Variants in ATRNL1 observed in about 807,000 individuals in gnomAD.
ATRNL1 encodes the protein attractin like 1, also known as attractin-like protein 1.
Under a neutral mutation model 182.7 loss-of-function variants are expected in ATRNL1, and 95 were observed. The observed-to-expected ratio is 0.52, with a 90% CI of 0.44 to 0.62. The LOEUF is 0.62. Among genes scored for constraint, ATRNL1 ranks in the 20% least tolerant of loss-of-function variants. The probability of loss-of-function intolerance (pLI) is 0.00; values close to 1 mark genes in which losing one functional copy is unlikely to be tolerated. For synonymous variants in ATRNL1, 576 were observed against 568.3 expected (o/e 1.01, Z -0.19); for missense variants, 1,471 against 1,679.5 (o/e 0.88, Z 2.17).
intron 8 of ATRNL1, 28 bp downstream of exon 8, chr10:115,171,320 T>G (rs1400738013): frequency 4.0e-6 from 6 of 1,513,712 alleles, no homozygotes; most frequent in Middle Eastern, 3.5e-4. Flanking sequence ...TGTAATTTCT[T>G]TATTGATTGG....
At position 115,301,740 on chromosome 10, in the gene ATRNL1, A is replaced by G. The variant is rs79932503; in HGVS notation, c.2630-115A>G. 12,100 of 780,230 alleles carry G rather than the reference A, an allele frequency of 0.016. 1,031 individuals carry two copies. In the African/African-American group the frequency reaches 0.19, roughly 12 times the overall value. 48.3% of individuals were successfully genotyped at this position (780,230 alleles called of 1,614,324 possible). A position where few individuals can be genotyped will look rare whatever the true frequency, so the allele number is the denominator to read the frequency against. ...TTTTTATCTACCTCATCATATTATAATGCCACAGTTGGCTTAATTGAAACA... is the reference window on the plus strand; with the variant it reads ...TTTTTATCTACCTCATCATATTATAGTGCCACAGTTGGCTTAATTGAAACA... On this transcript the variant is annotated intron_variant, in intron 16 of 28. Coordinates refer to ENST00000355044, the MANE Select transcript of ATRNL1 (RefSeq NM_207303.4).
At chr10:115,617,108 C>A (rs931257932) in intron 26 of ATRNL1, among the ~76,000 whole-genome samples, 1 of 152,216 alleles carries the variant, frequency 6.6e-6, no homozygotes, top group Non-Finnish European at 1.5e-5. Flanking sequence ...ATAACCCCTG[C>A]AAAGCCACTG....
At chr10:115,512,955 A>G (rs1246255467) in intron 24 of ATRNL1, among the ~76,000 whole-genome samples, 1 of 151,982 alleles carries the variant, frequency 6.6e-6, no homozygotes, top group Non-Finnish European at 1.5e-5. Context: ...CTTGCAGCCC[A>G]TGGGCCACAT....
intron 17 of ATRNL1, among the ~76,000 whole-genome samples, chr10:115,308,714 A>C (rs1218884801): frequency 6.6e-6 from 1 of 152,018 alleles, no homozygotes; most frequent in African/African-American, 2.4e-5. Context: ...AGCCTGCATA[A>C]GGTTTCTCAT....
chr10:115,308,006 G>T (rs1025201736), intron 17 of ATRNL1, among the ~76,000 whole-genome samples: 4 of 151,978 alleles, frequency 2.6e-5, no homozygotes, highest in South Asian at 2.1e-4. Context: ...ACAAAACTTT[G>T]TATTGGAAGT....
intron 5 of ATRNL1, among the ~76,000 whole-genome samples, chr10:115,129,831 C>A (rs1317873898): frequency 6.6e-6 from 1 of 152,048 alleles, no homozygotes; most frequent in African/African-American, 2.4e-5. Flanking sequence ...TGTTGAATCT[C>A]CCCAAATTTG....
chr10:115,535,013 C>T (rs1396431755), intron 25 of ATRNL1, among the ~76,000 whole-genome samples: 1 of 152,138 alleles, frequency 6.6e-6, no homozygotes, highest in East Asian at 1.9e-4. Context: ...GAGGGTAACC[C>T]GACCTTTCTC....
intron 28 of ATRNL1, among the ~76,000 whole-genome samples, chr10:115,912,728 G>A (rs1952721388): frequency 1.3e-5 from 2 of 152,104 alleles, no homozygotes; most frequent in Admixed American, 6.6e-5. Context: ...GCTCTGTGCT[G>A]TATCATAATA....
intron 25 of ATRNL1, among the ~76,000 whole-genome samples, chr10:115,534,322 CTCT>C: frequency 6.6e-6 from 1 of 152,070 alleles, no homozygotes; most frequent in African/African-American, 2.4e-5. Context: ...GGATAGTTAG[CTCT>C]TCTTGTTGAA....
intron 27 of ATRNL1, among the ~76,000 whole-genome samples, chr10:115,739,435 G>T (rs1948075483): frequency 6.6e-6 from 1 of 152,144 alleles, no homozygotes; most frequent in African/African-American, 2.4e-5. Flanking sequence ...TGCCAACACT[G>T]TCCTCCACCC....
chr10:115,358,695 G>A (rs1379493266), intron 19 of ATRNL1, among the ~76,000 whole-genome samples: 3 of 151,488 alleles, frequency 2.0e-5, no homozygotes. Flanking sequence ...CTTTTTGAAA[G>A]GTTAAGTCAT....
At chr10:115,728,755 A>G (rs537214149) in intron 27 of ATRNL1, among the ~76,000 whole-genome samples, 5 of 152,164 alleles carry the variant, frequency 3.3e-5, no homozygotes, top group African/African-American at 4.8e-5. Flanking sequence ...TTGATTTTTT[A>G]CTACTCTAGA....
chr10:115,265,818 TG>T (rs1851586148), intron 11 of ATRNL1, among the ~76,000 whole-genome samples: 3 of 151,798 alleles, frequency 2.0e-5, no homozygotes, highest in African/African-American at 7.2e-5. Context: ...TGTATTTCTA[TG>T]GCAAAAATTT....
chr10:115,915,842 C>T (rs1160038992), intron 28 of ATRNL1, among the ~76,000 whole-genome samples: 1 of 152,170 alleles, frequency 6.6e-6, no homozygotes. Context: ...CTTTCCTAGG[C>T]CAGCAAATTG....
At chr10:115,410,997 A>G (rs782805703) in intron 20 of ATRNL1, among the ~76,000 whole-genome samples, 2 of 152,114 alleles carry the variant, frequency 1.3e-5, no homozygotes, top group Non-Finnish European at 2.9e-5. Context: ...CGGCATCCCA[A>G]AGTACTGGGA....
At chr10:115,722,073 GT>G (rs1947444566) in intron 26 of ATRNL1, among the ~76,000 whole-genome samples, 1 of 152,118 alleles carries the variant, frequency 6.6e-6, no homozygotes, top group East Asian at 1.9e-4. Context: ...TACTTTGCAA[GT>G]TAATACAAAT....
At chr10:115,402,307 C>G (rs1382290722) in intron 20 of ATRNL1, among the ~76,000 whole-genome samples, 4 of 152,106 alleles carry the variant, frequency 2.6e-5, no homozygotes, top group Middle Eastern at 3.4e-3. Context: ...ATTTTGATCC[C>G]TTTTTTATTT....
rs554439245 is a variant in ATRNL1 at position 115,190,401 on chromosome 10, T to G, written c.1348+19109T>G. On this transcript the variant is annotated intron_variant, in intron 8 of 28. Transcript: ENST00000355044. ...ATTAAAAAGTTTTAGTAGATGTGCA[T>G]TCATATTCAGAAAATTCTTATTTTT... Among the ~76,000 whole-genome samples the G allele has an allele frequency of 3.3e-5, 5 of 152,234 alleles. No homozygotes were observed. The South Asian group carries it at 8.3e-4, about 25-fold the overall frequency.
chr10:115,291,963 A>T (rs985771818), intron 15 of ATRNL1, among the ~76,000 whole-genome samples: 6 of 146,762 alleles, frequency 4.1e-5, no homozygotes, highest in Admixed American at 2.0e-4. Flanking sequence ...GGTTTGGTAG[A>T]ATTCAGCAGT....
Sources: gnomAD v4.1 joint callset for allele counts (sites outside exome capture counted in the v4.1 genomes callset) on GRCh38, gnomAD v4.1.1 for gene constraint, MANE v1.5 for transcripts, NCBI Gene and HGNC (gene_info 2026-07-23, HGNC 2026-07-21) for gene names.